PCNX2: variants seen among roughly 807,000 people sequenced by gnomAD.
PCNX2 encodes the protein pecanex 2.
Under a neutral mutation model 223.8 loss-of-function variants are expected in PCNX2, and 168 were observed. The observed-to-expected ratio is 0.75, with a 90% CI of 0.66 to 0.85. PCNX2 has a LOEUF of 0.85. Ranked by LOEUF, PCNX2 falls within the 40% of genes least tolerant of loss-of-function variation. PCNX2 has a pLI of 0.00. For missense variants in PCNX2, 2,507 were observed against 2,675.5 expected (o/e 0.94, Z 1.39); for synonymous variants, 1,006 against 1,052.6 (o/e 0.96, Z 0.86).
rs773912383 is a variant in PCNX2 at position 233,054,399 on chromosome 1, A to T, written c.4220T>A (p.Leu1407His). 1 of 1,613,924 alleles carries T rather than the reference A, an allele frequency of 6.2e-7. No homozygotes were observed. Among genetic ancestry groups the T allele is most frequent in the Non-Finnish European group, 8.5e-7 (1 of 1,179,820 alleles). The change falls in exon 25 of 34, where the codon CTT (leucine) becomes CAT (histidine). Residue 1407 changes from leucine (L) to histidine (H), a missense_variant. By Grantham distance (99) the Leu-to-His change is moderately conservative. Coordinates refer to ENST00000258229, the MANE Select transcript of PCNX2 (RefSeq NM_014801.4). ...AGAGCTGTAGTTGCCCCAACGTCCA[A>T]GAACTAAGTCTCCACAGAGGGACTC... is the stretch of plus-strand genomic sequence containing the variant. ...LQESLCGDLV[L>H]GRWGNYSSGD... is the part of the protein sequence containing the mutation.
intron 25 of PCNX2, among the ~76,000 whole-genome samples, chr1:233,051,135 A>G (rs1230814256): frequency 2.0e-5 from 3 of 152,234 alleles, no homozygotes; most frequent in South Asian, 4.1e-4. Flanking sequence ...ATACCACCTC[A>G]CATGAATCAG....
At position 233,295,556 on chromosome 1, in the gene PCNX2, C is replaced by G; in HGVS notation, c.-78G>C. Reference sequence around the variant, plus strand: ...GCCGGATCTCCAGGCTCCCTCAGGTCTAACACCCGGGCCCGCGGGCCGCGC... The same window carrying G: ...GCCGGATCTCCAGGCTCCCTCAGGTGTAACACCCGGGCCCGCGGGCCGCGC... On this transcript the variant is annotated 5_prime_UTR_variant, in exon 1 of 34. It removes the in-frame stop codon of an upstream open reading frame in the 5' UTR. Transcript: ENST00000258229. The surrounding 1 kb of genome is among the most constrained non-coding windows in gnomAD (Gnocchi z 4.1). 1.5e-6 allele frequency: 2 copies of G among 1,307,726 alleles called. No homozygotes were observed. The highest frequency in any genetic ancestry group is 8.3e-5 in the Admixed American group (2 of 24,106). 81.0% of individuals were successfully genotyped at this position (1,307,726 alleles called of 1,614,324 possible). A position where few individuals can be genotyped will look rare whatever the true frequency, so the allele number is the denominator to read the frequency against.
At chr1:233,108,518 G>T (rs1388779354) in intron 21 of PCNX2, among the ~76,000 whole-genome samples, 1 of 152,164 alleles carries the variant, frequency 6.6e-6, no homozygotes, top group Non-Finnish European at 1.5e-5. Flanking sequence ...AATTCTACAG[G>T]GTGTTCACAG....
intron 21 of PCNX2, among the ~76,000 whole-genome samples, chr1:233,116,355 A>G (rs1252537037): frequency 4.6e-5 from 7 of 152,206 alleles, no homozygotes; most frequent in Admixed American, 4.6e-4. Flanking sequence ...ACAGATACAA[A>G]GATAGACCAT....
At chr1:233,171,928 C>T (rs574307116) in intron 17 of PCNX2, among the ~76,000 whole-genome samples, 3 of 152,092 alleles carry the variant, frequency 2.0e-5, no homozygotes, top group Admixed American at 2.0e-4. Context: ...CTCTCCTTAT[C>T]TTTCAGTTCA....
At chr1:233,182,461 A>C (rs566859451) in intron 15 of PCNX2, among the ~76,000 whole-genome samples, 8 of 151,758 alleles carry the variant, frequency 5.3e-5, no homozygotes, top group Admixed American at 3.3e-4. Context: ...CAGATCCCAC[A>C]CTCTGTCCTT....
chr1:233,115,752 AAGAT>A (rs891596953), intron 21 of PCNX2, among the ~76,000 whole-genome samples: 37 of 152,202 alleles, frequency 2.4e-4, no homozygotes, highest in African/African-American at 8.7e-4. Context: ...AAAAAGAAAG[AAGAT>A]AGAGAAAAAA....
chr1:233,017,566 T>C (rs1474680233), intron 26 of PCNX2, among the ~76,000 whole-genome samples: 1 of 152,116 alleles, frequency 6.6e-6, no homozygotes, highest in African/African-American at 2.4e-5. Flanking sequence ...TCCGCCCGCC[T>C]TGGCCTCCCA....
At chr1:233,288,089 G>A (rs75650154) in intron 1 of PCNX2, among the ~76,000 whole-genome samples, 1 of 152,138 alleles carries the variant, frequency 6.6e-6, no homozygotes, top group Non-Finnish European at 1.5e-5. Context: ...TTCTTGCAGA[G>A]GACATAGGAA....
Position 233,025,073 on chromosome 1 carries a change from G to C in PCNX2, c.4605+73C>G, listed in dbSNP as rs775025380. 7.6e-6 allele frequency: 12 copies of C among 1,569,998 alleles called. No homozygotes were observed. In the African/African-American group the frequency reaches 1.5e-4, roughly 19 times the overall value. Reference sequence around the variant, plus strand: ...TGACAGGCTTCAAAATTTAGCTTTCGACAGAGCTCTTTCGGAGCTTCCTGT... The same window carrying C: ...TGACAGGCTTCAAAATTTAGCTTTCCACAGAGCTCTTTCGGAGCTTCCTGT... On this transcript the variant is annotated intron_variant, in intron 26 of 33. Transcript: ENST00000258229.
chr1:233,207,545 C>T (rs535834503), intron 13 of PCNX2, among the ~76,000 whole-genome samples: 11 of 152,318 alleles, frequency 7.2e-5, no homozygotes, highest in African/African-American at 2.6e-4. Flanking sequence ...AAAGGGACAA[C>T]AACAGCTGAT....
At chr1:233,235,132 C>G (rs1658308997) in intron 9 of PCNX2, among the ~76,000 whole-genome samples, 1 of 152,028 alleles carries the variant, frequency 6.6e-6, no homozygotes, top group South Asian at 2.1e-4. Flanking sequence ...AATCCTATCC[C>G]TAACACACAG....
intron 21 of PCNX2, among the ~76,000 whole-genome samples, chr1:233,127,334 G>A (rs900366618): frequency 6.6e-6 from 1 of 151,924 alleles, no homozygotes; most frequent in African/African-American, 2.4e-5. Flanking sequence ...CACGGTTTCC[G>A]GAATGTGCCA....
At chr1:233,173,249 CT>C in intron 17 of PCNX2, among the ~76,000 whole-genome samples, 2 of 152,092 alleles carry the variant, frequency 1.3e-5, no homozygotes, top group East Asian at 3.9e-4. Flanking sequence ...TCGCTGCAAC[CT>C]CCACCTCCCG....
the PCNX2 span, among the ~76,000 whole-genome samples, chr1:233,308,192 C>G: frequency 2.0e-5 from 3 of 152,202 alleles, no homozygotes; most frequent in East Asian, 3.9e-4. Flanking sequence ...CGTAGTGGCT[C>G]ACGCCTGTAA....
intron 13 of PCNX2, among the ~76,000 whole-genome samples, chr1:233,207,583 T>C (rs1396548158): frequency 6.6e-6 from 1 of 152,162 alleles, no homozygotes; most frequent in East Asian, 1.9e-4. Flanking sequence ...GCTCTCTATG[T>C]CTAAGTATAC....
At position 233,218,441 on chromosome 1, in the gene PCNX2, G is replaced by A. The variant is rs186056468; in HGVS notation, c.2505-257C>T. ...TTTTTTTATTTTTTTTAGTAGAGAT[G>A]GGGTTTCACAATGTTAGTCAGGATG... On this transcript the variant is annotated intron_variant, in intron 10 of 33. Coordinates refer to ENST00000258229, the MANE Select transcript of PCNX2 (RefSeq NM_014801.4). Among the ~76,000 whole-genome samples the A allele has an allele frequency of 2.9e-3, 438 of 151,704 alleles. 3 individuals carry two copies. Among genetic ancestry groups the A allele is most frequent in the East Asian group, 0.014 (72 of 5,124 alleles).
At position 232,989,322 on chromosome 1, in the gene PCNX2, C is replaced by T. The variant is rs1489091348; in HGVS notation, c.5792-2782G>A. Among the ~76,000 whole-genome samples, 11 of 152,170 alleles carry T rather than the reference C, an allele frequency of 7.2e-5. No homozygotes were observed. The South Asian group carries it at 8.3e-4, about 11-fold the overall frequency. ...ACAAAGAATTAGCCAGGCGTGGTGG[C>T]GGGCACCTGTAGTCCCAGCTACTCA... On this transcript the variant is annotated intron_variant, in intron 32 of 33. Coordinates refer to ENST00000258229, the MANE Select transcript of PCNX2 (RefSeq NM_014801.4).
chr1:233,164,403 G>A (rs1034098094), intron 17 of PCNX2, among the ~76,000 whole-genome samples: 6 of 151,986 alleles, frequency 3.9e-5, no homozygotes, highest in Non-Finnish European at 8.8e-5. Context: ...AATTGAAAAC[G>A]GAACTACCAT....
Sources: allele counts gnomAD v4.1 joint callset (sites outside exome capture counted in the v4.1 genomes callset), GRCh38; gene constraint gnomAD v4.1.1; non-coding constraint Gnocchi (gnomAD v3.1); transcripts MANE v1.5; gene names NCBI Gene and HGNC (gene_info 2026-07-23, HGNC 2026-07-21).